The following ORC4 variants were observed in gnomAD, a reference collection of about 807,000 sequenced individuals.
The protein encoded by ORC4 is origin recognition complex subunit 4.
Under a neutral mutation model 63.9 loss-of-function variants are expected in ORC4, and 55 were observed. The observed-to-expected ratio is 0.86, with a 90% CI of 0.69 to 1.08. ORC4 has a LOEUF of 1.08. ORC4 is among the 50% of genes least tolerant of loss of function. The pLI, the probability that ORC4 is intolerant of heterozygous loss-of-function variation, is 0.00. For synonymous variants in ORC4, 150 were observed against 168.5 expected, an observed-to-expected ratio of 0.89 and a Z score of 0.85; for missense variants, 511 against 504.4, an observed-to-expected ratio of 1.01 and a Z score of -0.13.
chr2:148,018,198 C>A (rs2627033), intron 1 of ORC4, among the ~76,000 whole-genome samples: 8,946 of 152,104 alleles, frequency 0.059, 856 homozygotes, highest in African/African-American at 0.2. Context: ...TTCAAATAGC[C>A]GGTAAGTTTT....
At position 147,984,411 on chromosome 2, in the gene ORC4, C is replaced by T. The variant is rs17218924; in HGVS notation, c.-17-8436G>A. Among the ~76,000 whole-genome samples the T allele has an allele frequency of 5.6e-3, 849 of 151,974 alleles. 7 individuals are homozygous for T. The highest frequency in any genetic ancestry group is 0.02 in the South Asian group (95 of 4,824). On this transcript the variant is annotated intron_variant, in intron 1 of 13. Coordinates refer to ENST00000392857, the MANE Select transcript of ORC4 (RefSeq NM_181741.4). ...ATAATAATACAATATATAATACATA[C>T]ATAAAATATATATTAATTGACTATG...
At chr2:147,936,557 A>C (rs1688061420) in intron 13 of ORC4, 1 of 152,208 alleles carries the variant, frequency 6.6e-6, no homozygotes, top group African/African-American at 2.4e-5. Flanking sequence ...GTATCACATA[A>C]ATTCTTCTGA....
rs745599422 is a variant in ORC4 at position 147,958,798 on chromosome 2, G to C, written c.294C>G (p.His98Gln). The C allele has an allele frequency of 2.1e-6, 3 of 1,449,548 alleles. No individual in the cohort carries two copies. In the East Asian group the frequency reaches 6.9e-5, roughly 33 times the overall value. 89.8% of individuals were successfully genotyped at this position (1,449,548 alleles called of 1,614,324 possible). The change falls in exon 5 of 14, where the codon CAC becomes CAG. Residue 98 changes from histidine (H) to glutamine (Q), a missense_variant. Physicochemically the swap from His to Gln is conservative, Grantham distance 24 (BLOSUM62 0). Coordinates refer to ENST00000392857, the MANE Select transcript of ORC4 (RefSeq NM_181741.4). ...EEVSENVLQV[H>Q]LNGLLQINDK... ...AAATAATGGCATACTTACCATTTAA[G>C]TGAACTTGTAATACATTTTCACTCA...
At chr2:147,993,842 T>A (rs891325610) in intron 1 of ORC4, among the ~76,000 whole-genome samples, 1 of 152,326 alleles carries the variant, frequency 6.6e-6, no homozygotes, top group Non-Finnish European at 1.5e-5. Flanking sequence ...TAATTGATGA[T>A]CAACTATGAA....
At chr2:147,987,640 G>A (rs1055607923) in intron 1 of ORC4, among the ~76,000 whole-genome samples, 1 of 151,996 alleles carries the variant, frequency 6.6e-6, no homozygotes, top group Non-Finnish European at 1.5e-5. Context: ...GAACATGTCC[G>A]ATTTATTTAG....
chr2:147,944,697 TA>T (rs74610655), intron 9 of ORC4, among the ~76,000 whole-genome samples: 42,527 of 122,680 alleles, frequency 0.35, 6,769 homozygotes, highest in African/African-American at 0.48. Context: ...AGGATTCTTT[TA>T]AAAAAAAAAA....
intron 4 of ORC4, among the ~76,000 whole-genome samples, chr2:147,971,034 G>C (rs186765892): frequency 6.6e-6 from 1 of 152,102 alleles, no homozygotes; most frequent in Non-Finnish European, 1.5e-5. Flanking sequence ...GTACTCAGGA[G>C]GCTGAGGTGG....
chr2:147,982,800 T>C (rs1038722087), intron 1 of ORC4, among the ~76,000 whole-genome samples: 2 of 152,086 alleles, frequency 1.3e-5, no homozygotes, highest in Non-Finnish European at 2.9e-5. Context: ...ATAGTACAGA[T>C]GAGACAAGCT....
intron 1 of ORC4, among the ~76,000 whole-genome samples, chr2:147,987,292 T>C (rs1691263295): frequency 6.7e-6 from 1 of 150,306 alleles, no homozygotes; most frequent in South Asian, 2.1e-4. Context: ...ACATACTTTT[T>C]CAACCAAAAT....
chr2:147,966,449 A>G (rs965389628), intron 4 of ORC4, among the ~76,000 whole-genome samples: 21 of 152,094 alleles, frequency 1.4e-4, no homozygotes, highest in African/African-American at 5.1e-4. Flanking sequence ...ACTACAAAAA[A>G]TCACTGAAAC....
chr2:148,020,180 G>C (rs2105498219), intron 1 of ORC4, among the ~76,000 whole-genome samples: 1 of 152,322 alleles, frequency 6.6e-6, no homozygotes, highest in Admixed American at 6.5e-5. Context: ...AGGGAGGGTT[G>C]AGAGGTAAGG....
chr2:148,008,696 C>T (rs1369804565), intron 1 of ORC4, among the ~76,000 whole-genome samples: 1 of 152,082 alleles, frequency 6.6e-6, no homozygotes, highest in Non-Finnish European at 1.5e-5. Context: ...TTTAAATTAG[C>T]CAATTGGAAT....
intron 4 of ORC4, among the ~76,000 whole-genome samples, chr2:147,970,182 A>G (rs191753220): frequency 1.3e-5 from 2 of 152,270 alleles, no homozygotes; most frequent in Non-Finnish European, 2.9e-5. Context: ...TAAGAAAACT[A>G]CAAAAACTGA....
chr2:147,960,333 G>A (rs928172270), intron 4 of ORC4: 1 of 978,066 alleles, frequency 1.0e-6, no homozygotes, highest in Non-Finnish European at 1.2e-6. Flanking sequence ...ATTAGCAAGT[G>A]AGTCTTCAAA....
At chr2:148,020,310 T>C (rs1434120211) in intron 1 of ORC4, among the ~76,000 whole-genome samples, 1 of 152,202 alleles carries the variant, frequency 6.6e-6, no homozygotes, top group African/African-American at 2.4e-5. Context: ...TGAGGGTCAA[T>C]TGCTGAGGCT....
intron 1 of ORC4, among the ~76,000 whole-genome samples, chr2:148,003,197 G>A (rs1040362205): frequency 6.6e-6 from 1 of 152,170 alleles, no homozygotes; most frequent in Non-Finnish European, 1.5e-5. Flanking sequence ...AGCGGAGCTG[G>A]TACCATTCCT....
intron 7 of ORC4, among the ~76,000 whole-genome samples, chr2:147,955,043 A>G (rs1689167259): frequency 6.6e-6 from 1 of 152,068 alleles, no homozygotes; most frequent in Admixed American, 6.6e-5. Flanking sequence ...ATGATGATGC[A>G]GATCAAAATC....
intron 10 of ORC4, among the ~76,000 whole-genome samples, chr2:147,941,261 C>CT (rs1002400708): frequency 6.6e-5 from 10 of 150,984 alleles, no homozygotes; most frequent in South Asian, 2.1e-4. Context: ...TCTTTCATTT[C>CT]TTTTTTTTTC....
intron 4 of ORC4, among the ~76,000 whole-genome samples, chr2:147,966,754 C>T (rs1344839933): frequency 1.3e-5 from 2 of 152,062 alleles, no homozygotes; most frequent in East Asian, 3.9e-4. Context: ...GATGGCTTTG[C>T]TGCTGAATTC....
Sources: allele counts gnomAD v4.1 joint callset (sites outside exome capture counted in the v4.1 genomes callset), GRCh38; gene constraint gnomAD v4.1.1; transcripts MANE v1.5; gene names NCBI Gene and HGNC (gene_info 2026-07-23, HGNC 2026-07-21).